The following RGS6 variants were observed in gnomAD, a reference collection of about 807,000 sequenced individuals.
RGS6 encodes regulator of G-protein signaling 6.
In RGS6, 30 loss-of-function variants were observed where a neutral mutation model predicts 78.5. The observed-to-expected ratio is 0.38, with a 90% CI of 0.29 to 0.52. The LOEUF is 0.52. RGS6 is among the 20% of genes least tolerant of loss of function. RGS6 has a pLI of 0.85. For synonymous variants in RGS6, 206 were observed against 206.0 expected (o/e 1.00, Z 0.00); for missense variants, 495 against 609.7 (o/e 0.81, Z 1.98).
At chr14:72,047,533 G>T (rs1002498826) in intron 2 of RGS6, among the ~76,000 whole-genome samples, 2 of 152,308 alleles carry the variant, frequency 1.3e-5, no homozygotes, top group Middle Eastern at 3.4e-3. Context: ...GCAAGTGACC[G>T]CTGAGAGAAT....
intron 13 of RGS6, among the ~76,000 whole-genome samples, chr14:72,502,635 G>A (rs11621408): frequency 0.15 from 22,610 of 152,134 alleles, 2,207 homozygotes; most frequent in Middle Eastern, 0.31. Context: ...ATGGTGGCAG[G>A]CAGCTGTAAT....
At chr14:71,961,689 A>G (rs571786745) in intron 1 of RGS6, among the ~76,000 whole-genome samples, 2 of 152,280 alleles carry the variant, frequency 1.3e-5, no homozygotes, top group South Asian at 4.2e-4. Flanking sequence ...CTGTGAGTCC[A>G]TATAGGAAAA....
intron 2 of RGS6, among the ~76,000 whole-genome samples, chr14:72,238,298 G>T (rs535459271): frequency 1.9e-4 from 29 of 152,268 alleles, no homozygotes; most frequent in Non-Finnish European, 2.5e-4. Context: ...AGGCCAAAAA[G>T]GTAACATTTG....
chr14:72,603,262 A>C, the RGS6 span, among the ~76,000 whole-genome samples: 6 of 152,236 alleles, frequency 3.9e-5, no homozygotes, highest in Non-Finnish European at 8.8e-5. Context: ...ATAATGCAGC[A>C]AGACTTGAAG....
chr14:71,917,033 T>C, the RGS6 span, among the ~76,000 whole-genome samples: 1 of 152,296 alleles, frequency 6.6e-6, no homozygotes, highest in African/African-American at 2.4e-5. Context: ...CAGGGATCCA[T>C]GAGATTCAGA....
At chr14:72,412,877 T>G (rs1566777990) in intron 3 of RGS6, among the ~76,000 whole-genome samples, 3 of 152,078 alleles carry the variant, frequency 2.0e-5, no homozygotes, top group African/African-American at 2.4e-5. Context: ...GTTGAGCAGT[T>G]TTGAGTGAGT....
intron 3 of RGS6, among the ~76,000 whole-genome samples, chr14:72,398,909 G>A (rs9671758): frequency 6.6e-6 from 1 of 151,744 alleles, no homozygotes; most frequent in Non-Finnish European, 1.5e-5. Context: ...GCACTGTGGT[G>A]TGAGAGACAG....
chr14:71,964,979 G>A (rs2093429156), intron 2 of RGS6, 104 bp downstream of exon 2: 2 of 717,592 alleles, frequency 2.8e-6, no homozygotes, highest in Non-Finnish European at 4.3e-6. Flanking sequence ...CTGCCTTACT[G>A]ATAAATGCAT....
At chr14:72,503,005 T>A (rs2096748989) in intron 13 of RGS6, among the ~76,000 whole-genome samples, 1 of 152,194 alleles carries the variant, frequency 6.6e-6, no homozygotes, top group South Asian at 2.1e-4. Context: ...ATATACTATG[T>A]GGCTTAAAAA....
downstream of RGS6, among the ~76,000 whole-genome samples, chr14:72,568,105 C>T (rs1311902902): frequency 1.3e-5 from 2 of 152,138 alleles, no homozygotes; most frequent in African/African-American, 2.4e-5. Flanking sequence ...AGTGTGGGCT[C>T]GGTTCTCCTC....
chr14:72,546,804 G>T (rs750551064), intron 17 of RGS6, among the ~76,000 whole-genome samples: 2 of 152,196 alleles, frequency 1.3e-5, no homozygotes, highest in Non-Finnish European at 2.9e-5. Context: ...TCCAAATCGC[G>T]TACCCTGCCA....
the RGS6 span, among the ~76,000 whole-genome samples, chr14:71,869,127 G>A: frequency 6.6e-6 from 1 of 152,122 alleles, no homozygotes; most frequent in African/African-American, 2.4e-5. Flanking sequence ...TCTTTGCCTC[G>A]AGCTCTGCTT....
chr14:72,603,782 T>C, the RGS6 span, among the ~76,000 whole-genome samples: 2 of 151,974 alleles, frequency 1.3e-5, no homozygotes, highest in African/African-American at 4.8e-5. Flanking sequence ...CCTGCTTGGG[T>C]GGTTGGGGTG....
chr14:72,508,562 CTTTTTTTTTT>C (rs61097187), intron 13 of RGS6, among the ~76,000 whole-genome samples: 13 of 56,472 alleles, frequency 2.3e-4, no homozygotes, highest in South Asian at 9.9e-4. Context: ...ACACAAGCTC[CTTTTTTTTTT>C]TTTTTTTTTT....
the RGS6 span, among the ~76,000 whole-genome samples, chr14:72,585,165 G>C: frequency 6.8e-6 from 1 of 147,624 alleles, no homozygotes; most frequent in South Asian, 2.1e-4. Context: ...CATTTCTCTT[G>C]AACTTTAGTC....
chr14:72,092,192 A>G lies in RGS6; in HGVS notation c.84+127317A>G, dbSNP rs529302429. On this transcript the variant is annotated intron_variant, in intron 2 of 17. Coordinates refer to ENST00000553525, the MANE Select transcript of RGS6 (RefSeq NM_001204424.2). ...AGGTGCACGCCACCACACCCAGCTA[A>G]GTTTTGTATTTTTAGTAGGTATGGG... is the stretch of plus-strand genomic sequence containing the variant. Among the ~76,000 whole-genome samples, 115 of 151,428 alleles carry G rather than the reference A, an allele frequency of 7.6e-4. 1 individual carries two copies. The highest frequency in any genetic ancestry group is 2.7e-3 in the African/African-American group (112 of 41,234).
chr14:71,952,020 T>C (rs530667534), intron 1 of RGS6, among the ~76,000 whole-genome samples: 1 of 152,186 alleles, frequency 6.6e-6, no homozygotes. Context: ...AGTAATTGCA[T>C]TCATAAATTA....
intron 3 of RGS6, among the ~76,000 whole-genome samples, chr14:72,448,486 AT>A (rs1240997758): frequency 2.0e-5 from 3 of 147,754 alleles, no homozygotes; most frequent in Non-Finnish European, 1.5e-5. Context: ...TGATCATTGC[AT>A]TTTTTTTCAA....
chr14:72,298,670 C>G (rs8007579), intron 2 of RGS6, among the ~76,000 whole-genome samples: 7,452 of 151,856 alleles, frequency 0.049, 537 homozygotes, highest in African/African-American at 0.17. Context: ...GGATGGTCTC[C>G]ATCTCCTGAC....
Sources: gnomAD v4.1 joint callset for allele counts (sites outside exome capture counted in the v4.1 genomes callset) on GRCh38, gnomAD v4.1.1 for gene constraint, MANE v1.5 for transcripts, NCBI Gene and HGNC (gene_info 2026-07-23, HGNC 2026-07-21) for gene names.